The following PLEKHG3 variants were observed in gnomAD, a reference collection of about 807,000 sequenced individuals.
The protein encoded by PLEKHG3 is pleckstrin homology domain-containing family G member 3.
PLEKHG3 carries 62 observed loss-of-function variants against 94.9 expected under a neutral mutation model. The ratio of observed to expected loss-of-function variants is 0.65; its 90% CI spans 0.53 to 0.81. PLEKHG3 has a LOEUF of 0.81. Among genes scored for constraint, PLEKHG3 ranks in the 30% least tolerant of loss-of-function variants. PLEKHG3 has a pLI of 0.00. For missense variants in PLEKHG3, 1,461 were observed against 1,619.3 expected (o/e 0.90, Z 1.68); for synonymous variants, 614 against 654.0 (o/e 0.94, Z 0.93).
intron 1 of PLEKHG3, among the ~76,000 whole-genome samples, chr14:64,708,420 T>C (rs934063146): frequency 6.7e-6 from 1 of 150,318 alleles, no homozygotes; most frequent in Non-Finnish European, 1.5e-5. Context: ...GGACAAGGGG[T>C]AGGGAAAGTG....
In PLEKHG3 at chr14:64,727,645, C is replaced by A; in HGVS notation, c.14C>A (p.Thr5Asn). Residue 5 changes from threonine (T) to asparagine (N), a missense_variant, in exon 2 of 17, where the codon ACC becomes AAC. Thr to Asn is a moderately conservative substitution (Grantham distance 65). Transcript: ENST00000247226. The surrounding 1 kb of genome is among the most constrained non-coding windows in gnomAD (Gnocchi z 6.0). Reference protein sequence around the residue: MPVSTSLHQDGSQER... With the variant: MPVSNSLHQDGSQER... ...AGCAATGCCAGGATGCCTGTGTCCACCTCCCTCCACCAGGATGGCAGCCAG... is the reference window on the plus strand; with the variant it reads ...AGCAATGCCAGGATGCCTGTGTCCAACTCCCTCCACCAGGATGGCAGCCAG... The A allele has an allele frequency of 6.2e-7, 1 of 1,610,784 alleles. No homozygotes were observed. Among genetic ancestry groups the A allele is most frequent in the Non-Finnish European group, 8.5e-7 (1 of 1,178,276 alleles).
rs2081436933 is a variant in PLEKHG3, at chr14:64,730,484, G to A, written c.520-158G>A. ...TGAGGGGAGCCAGGGCTGCTGGGTG[G>A]ATGGGATGTCCTTGACAAATAGGTA... is the stretch of plus-strand genomic sequence containing the variant. On this transcript the variant is annotated intron_variant, in intron 4 of 16. Coordinates refer to ENST00000247226, the MANE Select transcript of PLEKHG3 (RefSeq NM_001308147.2). This position sits in a 1 kb window ranked among gnomAD's most constrained non-coding sequence, Gnocchi z 5.4. Among the ~76,000 whole-genome samples the A allele has an allele frequency of 6.6e-6, 1 of 152,180 alleles. No homozygotes were observed. Among genetic ancestry groups the A allele is most frequent in the Admixed American group, 6.5e-5 (1 of 15,280 alleles).
At chr14:64,740,885 C>CTA in intron 15 of PLEKHG3, 151 bp from the exon 16 acceptor site, 1 of 625,230 alleles carries the variant, frequency 1.6e-6, no homozygotes. Flanking sequence ...GACCCATCAC[C>CTA]TACTCCTAAG....
rs1333520072 is a variant in PLEKHG3, at chr14:64,746,176, G to A, written c.*2473G>A. 1 of 152,224 alleles carries A rather than the reference G, an allele frequency of 6.6e-6. No individual in the cohort carries two copies. The highest frequency in any genetic ancestry group is 2.4e-5 in the African/African-American group (1 of 41,446). The allele number at this position is 152,224 out of a possible 1,614,324, so 9.4% of individuals were successfully genotyped here. A position where few individuals can be genotyped will look rare whatever the true frequency, so the allele number is the denominator to read the frequency against. ...TTGCAGTCGTCCCATAAGGCTCCCA[G>A]GGACAAGCTAGAGAATCTGGCTGTC... On this transcript the variant is annotated 3_prime_UTR_variant, in exon 17 of 17. Coordinates refer to ENST00000247226, the MANE Select transcript of PLEKHG3 (RefSeq NM_001308147.2). This position sits in a 1 kb window ranked among gnomAD's most constrained non-coding sequence, Gnocchi z 4.9.
In PLEKHG3 at chr14:64,723,160, G is replaced by GAA. The variant is rs1157751371; in HGVS notation, c.-39-4433_-39-4432insAA. Among the ~76,000 whole-genome samples the GAA allele has an allele frequency of 6.6e-6, 1 of 151,738 alleles. No homozygotes were observed. Among genetic ancestry groups the GAA allele is most frequent in the African/African-American group, 2.4e-5 (1 of 41,226 alleles). On this transcript the variant is annotated intron_variant, in intron 1 of 16. Coordinates refer to ENST00000247226, the MANE Select transcript of PLEKHG3 (RefSeq NM_001308147.2). The surrounding 1 kb of genome is among the most constrained non-coding windows in gnomAD (Gnocchi z 4.5). The stretch of plus-strand genomic sequence containing the variant: ...CAGAGGGTAGGTGTGGGTGGAGGAA[G>GAA]GGTGTGGTGTGGTTTAGGCTTAAAT...
intron 12 of PLEKHG3, among the ~76,000 whole-genome samples, chr14:64,733,170 T>C (rs147888862): frequency 3.2e-5 from 4 of 124,142 alleles, no homozygotes; most frequent in African/African-American, 9.5e-5. Context: ...TTTTCTTTTT[T>C]TTTTTTTTTT....
At chr14:64,740,749 C>A (rs777171990) in intron 15 of PLEKHG3, among the ~76,000 whole-genome samples, 9 of 152,232 alleles carry the variant, frequency 5.9e-5, no homozygotes, top group Non-Finnish European at 8.8e-5. Context: ...AGCTCCTAGG[C>A]TGGCTGCCAT....
rs2081863638 is a variant in PLEKHG3, at chr14:64,747,394, C to T, written c.*3691C>T. On this transcript the variant is annotated 3_prime_UTR_variant, in exon 17 of 17. Transcript: ENST00000247226. ...AGTCACCTCACTGCCTTGGTTTCCC[C>T]AGATACAGAAAGAGGCTGGTGAGTG... The T allele has an allele frequency of 6.5e-6, 1 of 152,688 alleles. No individual in the cohort carries two copies. The highest frequency in any genetic ancestry group is 1.5e-5 in the Non-Finnish European group (1 of 68,070). 9.5% of individuals were successfully genotyped at this position (152,688 alleles called of 1,614,324 possible). A position where few individuals can be genotyped will look rare whatever the true frequency, so the allele number is the denominator to read the frequency against.
In PLEKHG3 at chr14:64,721,009, C is replaced by T. The variant is rs560675665; in HGVS notation, c.-39-6584C>T. 3.3e-5 allele frequency among the ~76,000 whole-genome samples: 5 copies of T among 152,320 alleles called. No individual in the cohort carries two copies. The highest frequency in any genetic ancestry group is 3.9e-4 in the East Asian group (2 of 5,190). On this transcript the variant is annotated intron_variant, in intron 1 of 16. Coordinates refer to ENST00000247226, the MANE Select transcript of PLEKHG3 (RefSeq NM_001308147.2). This position sits in a 1 kb window ranked among gnomAD's most constrained non-coding sequence, Gnocchi z 4.3. ...AGCCTTATGATCACATCAGGCCCAC[C>T]GGGCTAATCCAGGATAATCTTCCAT... is the stretch of plus-strand genomic sequence containing the variant.
At chr14:64,736,722 T>C (rs1262387004) in intron 12 of PLEKHG3, 131 bp from the exon 13 acceptor site, 1 of 747,074 alleles carries the variant, frequency 1.3e-6, no homozygotes, top group African/African-American at 1.7e-5. Context: ...CCCTGGGGCC[T>C]ATGACTGCAG....
chr14:64,712,603 A>G (rs878964704), intron 1 of PLEKHG3, among the ~76,000 whole-genome samples: 1 of 152,170 alleles, frequency 6.6e-6, no homozygotes, highest in Admixed American at 6.5e-5. Flanking sequence ...TCTTAATTCC[A>G]TTTTATGATT....
rs1391212540 is a variant in PLEKHG3 at position 64,717,739 on chromosome 14, GTCTC to G, written c.-39-9852_-39-9849del. ...CGATCTCTCGCTCCTCCTCGAAGCT[GTCTC>G]TGAATAGCCAGCACCTTCCTGGGCT... On this transcript the variant is annotated intron_variant, in intron 1 of 16. Transcript: ENST00000247226. The surrounding 1 kb of genome is among the most constrained non-coding windows in gnomAD (Gnocchi z 4.7). Among the ~76,000 whole-genome samples the G allele has an allele frequency of 6.6e-6, 1 of 152,372 alleles. No homozygotes were observed. Among genetic ancestry groups the G allele is most frequent in the Non-Finnish European group, 1.5e-5 (1 of 68,040 alleles).
chr14:64,714,601 A>G (rs1337824742), intron 1 of PLEKHG3, among the ~76,000 whole-genome samples: 2 of 152,202 alleles, frequency 1.3e-5, no homozygotes, highest in South Asian at 2.1e-4. Flanking sequence ...CACGTGGCAC[A>G]TGGTTTATAC....
intron 12 of PLEKHG3, among the ~76,000 whole-genome samples, chr14:64,733,825 C>A (rs1402368493): frequency 6.6e-6 from 1 of 152,198 alleles, no homozygotes; most frequent in African/African-American, 2.4e-5. Flanking sequence ...TTCTAAACTC[C>A]GTGGTGATGG....
In PLEKHG3 at chr14:64,749,744, C is replaced by A; in HGVS notation, c.*6041C>A. 1 of 1,603,102 alleles carries A rather than the reference C, an allele frequency of 6.2e-7. No homozygotes were observed. Among genetic ancestry groups the A allele is most frequent in the Non-Finnish European group, 8.5e-7 (1 of 1,174,270 alleles). On this transcript the variant is annotated 3_prime_UTR_variant, in exon 17 of 17. Transcript: ENST00000247226. The surrounding 1 kb of genome is among the most constrained non-coding windows in gnomAD (Gnocchi z 4.7). ...GTCATGGAGACACCTCTGGAGGGGGCGCTGGGCAGAGGGCTGGCTCTGATC... is the reference window on the plus strand; with the variant it reads ...GTCATGGAGACACCTCTGGAGGGGGAGCTGGGCAGAGGGCTGGCTCTGATC...
In PLEKHG3 at chr14:64,720,950, T is replaced by C. The variant is rs967850939; in HGVS notation, c.-39-6643T>C. Among the ~76,000 whole-genome samples the C allele has an allele frequency of 6.6e-6, 1 of 152,224 alleles. No individual in the cohort carries two copies. Among genetic ancestry groups the C allele is most frequent in the African/African-American group, 2.4e-5 (1 of 41,454 alleles). ...CTGCTTTTATTGTCAAACTTCTGTCTGACTCTGACTCCTGCCGGATTCCTC... is the reference window on the plus strand; with the variant it reads ...CTGCTTTTATTGTCAAACTTCTGTCCGACTCTGACTCCTGCCGGATTCCTC... On this transcript the variant is annotated intron_variant, in intron 1 of 16. Coordinates refer to ENST00000247226, the MANE Select transcript of PLEKHG3 (RefSeq NM_001308147.2). This position sits in a 1 kb window ranked among gnomAD's most constrained non-coding sequence, Gnocchi z 4.1.
At chr14:64,709,506 G>A (rs2081032972) in intron 1 of PLEKHG3, among the ~76,000 whole-genome samples, 1 of 152,114 alleles carries the variant, frequency 6.6e-6, no homozygotes, top group South Asian at 2.1e-4. Flanking sequence ...GGGTTCTCGT[G>A]GGCACAGTGG....
In PLEKHG3 at chr14:64,730,406, A is replaced by C. The variant is rs1215232821; in HGVS notation, c.519+94A>C. 1 of 897,466 alleles carries C rather than the reference A, an allele frequency of 1.1e-6. No individual in the cohort carries two copies. The highest frequency in any genetic ancestry group is 1.6e-5 in the African/African-American group (1 of 60,852). The allele number at this position is 897,466 out of a possible 1,614,324, so 55.6% of individuals were successfully genotyped here. ...ATAAGAGGACATCTGAGTCCTGGGG[A>C]TTCCTTTCCAGGGAAAGTCCTGGGT... On this transcript the variant is annotated intron_variant, in intron 4 of 16. Coordinates refer to ENST00000247226, the MANE Select transcript of PLEKHG3 (RefSeq NM_001308147.2). The surrounding 1 kb of genome is among the most constrained non-coding windows in gnomAD (Gnocchi z 5.4).
At chr14:64,737,537 TA>T (rs2081595444) in intron 14 of PLEKHG3, among the ~76,000 whole-genome samples, 162 bp downstream of exon 14, 1 of 152,232 alleles carries the variant, frequency 6.6e-6, no homozygotes, top group African/African-American at 2.4e-5. Context: ...CAGAGATGAA[TA>T]AGACATGGGC....
Sources: allele counts gnomAD v4.1 joint callset (sites outside exome capture counted in the v4.1 genomes callset), GRCh38; gene constraint gnomAD v4.1.1; non-coding constraint Gnocchi (gnomAD v3.1); transcripts MANE v1.5; gene names NCBI Gene and HGNC (gene_info 2026-07-23, HGNC 2026-07-21).